FAM20B: variants seen among roughly 807,000 people sequenced by gnomAD.
FAM20B encodes the protein glycosaminoglycan xylosylkinase.
A neutral mutation model predicts 43.8 loss-of-function variants in FAM20B; 23 were observed. The observed-to-expected ratio is 0.53, with a 90% CI of 0.38 to 0.74. FAM20B has a LOEUF of 0.74. Among genes scored for constraint, FAM20B ranks in the 30% least tolerant of loss-of-function variants. The probability of loss-of-function intolerance (pLI) is 0.00; values close to 1 mark genes in which losing one functional copy is unlikely to be tolerated. For synonymous variants in FAM20B, 178 were observed against 192.4 expected, an observed-to-expected ratio of 0.93 and a Z score of 0.62; for missense variants, 440 against 510.5, an observed-to-expected ratio of 0.86 and a Z score of 1.33.
chr1:179,042,971 C>T (rs2102496641), intron 1 of FAM20B, among the ~76,000 whole-genome samples: 1 of 152,318 alleles, frequency 6.6e-6, no homozygotes, highest in South Asian at 2.1e-4. Context: ...GACTCTTAAC[C>T]AGAACCGACA....
intron 2 of FAM20B, among the ~76,000 whole-genome samples, chr1:179,049,442 G>A (rs188570420): frequency 3.9e-5 from 6 of 152,184 alleles, no homozygotes; most frequent in East Asian, 1.9e-4. Flanking sequence ...TTTCAAAAGC[G>A]CTGTTGCCTT....
chr1:179,027,526 G>A (rs1232627842), intron 1 of FAM20B, among the ~76,000 whole-genome samples: 5 of 152,288 alleles, frequency 3.3e-5, no homozygotes, highest in East Asian at 3.9e-4. Context: ...AAAGATGTTG[G>A]ACTTTGGCCT....
rs1372139483 is a variant in FAM20B at position 179,034,029 on chromosome 1, C to T, written c.-134+7931C>T. 2.0e-5 allele frequency among the ~76,000 whole-genome samples: 3 copies of T among 152,112 alleles called. No individual in the cohort carries two copies. In the East Asian group the frequency reaches 5.8e-4, roughly 29 times the overall value. On this transcript the variant is annotated intron_variant, in intron 1 of 7. Transcript: ENST00000263733. ...TAATTATATAGGTCATCTGGTCTCA[C>T]GTGTTCCTGCTCAAATGGTATAGGC...
At chr1:179,035,623 A>C (rs754005581) in intron 1 of FAM20B, 1 of 471,448 alleles carries the variant, frequency 2.1e-6, no homozygotes, top group East Asian at 4.3e-5. Context: ...CCTTTTTGAC[A>C]TGACTTTTGT....
rs1369069237 is a variant in FAM20B, at chr1:179,039,737, TTATTA to T, written c.-133-3976_-133-3972del. Reference sequence around the variant, plus strand: ...ACCCTGTGGCATTTTATTTATTTATTTATTATTTTTTTTTATTGATCATTCTTGGG... The same window carrying T: ...ACCCTGTGGCATTTTATTTATTTATTTTTTTTTTTATTGATCATTCTTGGG... On this transcript the variant is annotated intron_variant, in intron 1 of 7. Coordinates refer to ENST00000263733, the MANE Select transcript of FAM20B (RefSeq NM_014864.4). Among the ~76,000 whole-genome samples the T allele has an allele frequency of 2.4e-5, 3 of 126,908 alleles. No individual in the cohort carries two copies. The East Asian group carries it at 6.2e-4, about 26-fold the overall frequency. 83.3% of individuals were successfully genotyped at this position (126,908 alleles called of 152,430 possible).
In FAM20B at chr1:179,055,236, A is replaced by T. The variant is rs537996654; in HGVS notation, c.574+598A>T. ...TCTGAGGTAAGAGATCTGAGCTAAAATTCTCACTCCTGTTGTTGTGAGCAA... is the reference window on the plus strand; with the variant it reads ...TCTGAGGTAAGAGATCTGAGCTAAATTTCTCACTCCTGTTGTTGTGAGCAA... On this transcript the variant is annotated intron_variant, in intron 4 of 7. Coordinates refer to ENST00000263733, the MANE Select transcript of FAM20B (RefSeq NM_014864.4). Among the ~76,000 whole-genome samples, 14 of 152,304 alleles carry T rather than the reference A, an allele frequency of 9.2e-5. No homozygotes were observed. In the South Asian group the frequency reaches 2.7e-3, roughly 29 times the overall value.
intron 4 of FAM20B, among the ~76,000 whole-genome samples, chr1:179,056,071 C>G (rs905875840): frequency 5.9e-5 from 9 of 152,156 alleles, no homozygotes; most frequent in African/African-American, 2.2e-4. Context: ...ATAGTTTCCC[C>G]CATTATCAAC....
intron 1 of FAM20B, among the ~76,000 whole-genome samples, chr1:179,026,915 G>A (rs1557863567): frequency 6.6e-6 from 1 of 152,256 alleles, no homozygotes; most frequent in Non-Finnish European, 1.5e-5. Flanking sequence ...TAGAAGGATG[G>A]ATTGGAGGGA....
At chr1:179,033,685 C>A (rs947940544) in intron 1 of FAM20B, among the ~76,000 whole-genome samples, 12 of 152,050 alleles carry the variant, frequency 7.9e-5, no homozygotes, top group Non-Finnish European at 1.6e-4. Context: ...TTATTTCTTT[C>A]TTTCTTTTTC....
intron 2 of FAM20B, 115 bp downstream of exon 2, chr1:179,044,339 G>T (rs1310116926): frequency 4.3e-6 from 5 of 1,150,570 alleles, no homozygotes; most frequent in African/African-American, 1.6e-5. Context: ...AAAATAAGAG[G>T]GGTAGACTAG....
At chr1:179,040,188 C>G (rs530687725) in intron 1 of FAM20B, among the ~76,000 whole-genome samples, 2 of 152,374 alleles carry the variant, frequency 1.3e-5, no homozygotes, top group East Asian at 1.9e-4. Flanking sequence ...CACCCTTCCC[C>G]CCTTTCTACT....
intron 7 of FAM20B, among the ~76,000 whole-genome samples, chr1:179,068,812 C>G (rs752806717): frequency 1.3e-5 from 2 of 152,122 alleles, no homozygotes; most frequent in Non-Finnish European, 2.9e-5. Flanking sequence ...GAAGGACAAA[C>G]TTGGAAGGGG....
At chr1:179,070,510 C>T (rs540224828) in intron 7 of FAM20B, among the ~76,000 whole-genome samples, 1 of 138,750 alleles carries the variant, frequency 7.2e-6, no homozygotes, top group East Asian at 2.2e-4. Context: ...AGGGGCTGAA[C>T]TCGCCTTTTT....
At chr1:179,047,445 C>T (rs1209225429) in intron 2 of FAM20B, among the ~76,000 whole-genome samples, 1 of 152,174 alleles carries the variant, frequency 6.6e-6, no homozygotes, top group Non-Finnish European at 1.5e-5. Context: ...GTCTGGTCCT[C>T]CTCTCTATAC....
At chr1:179,030,762 C>T (rs1174336856) in intron 1 of FAM20B, among the ~76,000 whole-genome samples, 1 of 152,038 alleles carries the variant, frequency 6.6e-6, no homozygotes, top group Non-Finnish European at 1.5e-5. Flanking sequence ...TCCACAAACA[C>T]TTATCAGATG....
chr1:179,023,795 T>G (rs1649647539), upstream of FAM20B, among the ~76,000 whole-genome samples: 1 of 152,214 alleles, frequency 6.6e-6, no homozygotes, highest in African/African-American at 2.4e-5. Context: ...ATTCTTTCAG[T>G]GATCACAGAG....
At chr1:179,052,382 G>T (rs1356477176) in intron 3 of FAM20B, among the ~76,000 whole-genome samples, 2 of 152,122 alleles carry the variant, frequency 1.3e-5, no homozygotes, top group Non-Finnish European at 2.9e-5. Flanking sequence ...TTAAAAAAAA[G>T]ATAATACTTT....
At chr1:179,027,135 G>C (rs1234985360) in intron 1 of FAM20B, among the ~76,000 whole-genome samples, 1 of 152,204 alleles carries the variant, frequency 6.6e-6, no homozygotes, top group African/African-American at 2.4e-5. Context: ...AGGGAAGTAG[G>C]AATGTGGGGT....
chr1:179,020,783 C>T, the FAM20B span, among the ~76,000 whole-genome samples: 1 of 152,108 alleles, frequency 6.6e-6, no homozygotes, highest in African/African-American at 2.4e-5. Flanking sequence ...TTAAAAAGCT[C>T]CTCTGGGCTG....
Sources: gnomAD v4.1 joint callset for allele counts (sites outside exome capture counted in the v4.1 genomes callset) on GRCh38, gnomAD v4.1.1 for gene constraint, MANE v1.5 for transcripts, NCBI Gene and HGNC (gene_info 2026-07-23, HGNC 2026-07-21) for gene names.